The following SORCS3 variants were observed in gnomAD, a reference collection of about 807,000 sequenced individuals.
SORCS3 encodes the protein VPS10 domain-containing receptor SorCS3.
In SORCS3, 57 loss-of-function variants were observed where a neutral mutation model predicts 146.3. The observed-to-expected ratio is 0.39, with a 90% confidence interval of 0.31 to 0.49. SORCS3 has a LOEUF of 0.49. Ranked by LOEUF, SORCS3 falls within the 20% of genes least tolerant of loss-of-function variation. The pLI, the probability that SORCS3 is intolerant of heterozygous loss-of-function variation, is 0.92. For synonymous variants in SORCS3, 653 were observed against 618.5 expected (o/e 1.06, Z -0.83); for missense variants, 1,341 against 1,575.5 (o/e 0.85, Z 2.52).
At chr10:104,843,418 G>A (rs1347332948) in intron 2 of SORCS3, among the ~76,000 whole-genome samples, 1 of 152,174 alleles carries the variant, frequency 6.6e-6, no homozygotes, top group African/African-American at 2.4e-5. Flanking sequence ...TTTTACCACT[G>A]CGTTGGTATA....
At chr10:104,740,328 G>C (rs991600621) in intron 1 of SORCS3, among the ~76,000 whole-genome samples, 2 of 152,120 alleles carry the variant, frequency 1.3e-5, no homozygotes, top group Non-Finnish European at 2.9e-5. Flanking sequence ...TAAAATGAAG[G>C]CTTCTCAAAA....
chr10:105,018,685 A>G (rs1039039661), intron 4 of SORCS3, among the ~76,000 whole-genome samples: 6 of 152,226 alleles, frequency 3.9e-5, no homozygotes, highest in African/African-American at 1.4e-4. Context: ...TACAGGCTCA[A>G]CAAAATTGAA....
chr10:104,670,878 CT>C (rs35714791), intron 1 of SORCS3, among the ~76,000 whole-genome samples: 61,952 of 151,888 alleles, frequency 0.41, 14,154 homozygotes, highest in Middle Eastern at 0.65. Flanking sequence ...ATTGACAACT[CT>C]TTTCTGTCCT....
rs2056899741 is a variant in SORCS3 at position 105,251,720 on chromosome 10, G to T, written c.3106-1055G>T. 2.6e-5 allele frequency among the ~76,000 whole-genome samples: 4 copies of T among 152,286 alleles called. No individual in the cohort carries two copies. The South Asian group carries it at 8.3e-4, about 32-fold the overall frequency. ...AAGAACAAGCTTACCCTTCACGGGG[G>T]AGAACTCAGCATCCTGTTTTCTTTA... is the stretch of plus-strand genomic sequence containing the variant. On this transcript the variant is annotated intron_variant, in intron 22 of 26. Coordinates refer to ENST00000369701, the MANE Select transcript of SORCS3 (RefSeq NM_014978.3).
chr10:104,925,759 T>C (rs766944582), intron 3 of SORCS3, among the ~76,000 whole-genome samples: 3 of 152,238 alleles, frequency 2.0e-5, no homozygotes, highest in Non-Finnish European at 4.4e-5. Flanking sequence ...AATGAATTGC[T>C]GTGGTCCACA....
intron 1 of SORCS3, among the ~76,000 whole-genome samples, chr10:104,715,961 G>A (rs555385976): frequency 3.3e-5 from 5 of 152,166 alleles, no homozygotes; most frequent in Middle Eastern, 3.4e-3. Flanking sequence ...ATCTTCTCCC[G>A]TGCTGCTCTC....
intron 21 of SORCS3, among the ~76,000 whole-genome samples, chr10:105,246,674 T>A (rs1455285834): frequency 6.6e-6 from 1 of 152,234 alleles, no homozygotes; most frequent in South Asian, 2.1e-4. Flanking sequence ...TTAATTGTAT[T>A]GTAAATTTTA....
chr10:105,226,096 G>A (rs144095737), intron 20 of SORCS3, among the ~76,000 whole-genome samples: 319 of 151,034 alleles, frequency 2.1e-3, no homozygotes, highest in African/African-American at 7.3e-3. Context: ...GTCCTATATT[G>A]AATAGGAGTG....
chr10:104,904,917 G>A (rs2018889628), intron 2 of SORCS3, among the ~76,000 whole-genome samples: 1 of 151,918 alleles, frequency 6.6e-6, no homozygotes, highest in African/African-American at 2.4e-5. Flanking sequence ...CCCATGTCAT[G>A]TGGGTTCAGG....
intron 3 of SORCS3, among the ~76,000 whole-genome samples, chr10:104,942,653 T>C (rs1589559477): frequency 2.0e-5 from 3 of 152,332 alleles, no homozygotes; most frequent in Admixed American, 6.5e-5. Flanking sequence ...AAATCAAATG[T>C]AATTTGCCAC....
chr10:104,757,870 C>G lies in SORCS3; in HGVS notation c.628-84922C>G, dbSNP rs1022420101. Among the ~76,000 whole-genome samples, 12 of 10,314 alleles carry G rather than the reference C, an allele frequency of 1.2e-3. No individual in the cohort carries two copies. In the South Asian group the frequency reaches 0.025, roughly 22 times the overall value. The allele number at this position is 10,314 out of a possible 152,430, so 6.8% of individuals were successfully genotyped here. A position where few individuals can be genotyped will look rare whatever the true frequency, so the allele number is the denominator to read the frequency against. ...CCCACTGCCACCACCCCCCCCCCCA[C>G]ACCCGCTGCCTTGATGCTGATAGTG... On this transcript the variant is annotated intron_variant, in intron 1 of 26. Transcript: ENST00000369701.
chr10:104,835,838 C>T (rs1294448427), intron 1 of SORCS3, among the ~76,000 whole-genome samples: 1 of 152,230 alleles, frequency 6.6e-6, no homozygotes, highest in Non-Finnish European at 1.5e-5. Context: ...ACACTTATAA[C>T]TCATGTTTGC....
At chr10:104,795,322 G>A (rs992004158) in intron 1 of SORCS3, among the ~76,000 whole-genome samples, 12 of 152,070 alleles carry the variant, frequency 7.9e-5, no homozygotes, top group African/African-American at 2.9e-4. Flanking sequence ...CACTATGAAT[G>A]GCATTTACAT....
chr10:104,682,543 C>A, intron 1 of SORCS3, among the ~76,000 whole-genome samples: 1 of 152,204 alleles, frequency 6.6e-6, no homozygotes, highest in East Asian at 1.9e-4. Flanking sequence ...CTCTAACATT[C>A]TAATTCCAGG....
At chr10:105,049,220 GA>G (rs1381139943) in intron 5 of SORCS3, among the ~76,000 whole-genome samples, 2 of 152,058 alleles carry the variant, frequency 1.3e-5, no homozygotes, top group African/African-American at 4.8e-5. Flanking sequence ...GGGTTACAAA[GA>G]AGCATTACAT....
chr10:105,251,786 T>C (rs1238882068), intron 22 of SORCS3, among the ~76,000 whole-genome samples: 1 of 152,190 alleles, frequency 6.6e-6, no homozygotes, highest in Non-Finnish European at 1.5e-5. Flanking sequence ...TAAGTTTTTA[T>C]CACAAAGCAA....
intron 2 of SORCS3, among the ~76,000 whole-genome samples, chr10:104,881,036 T>A (rs759216072): frequency 2.0e-5 from 3 of 152,220 alleles, no homozygotes; most frequent in Non-Finnish European, 4.4e-5. Context: ...CTATGATTAT[T>A]TATTTGCTCC....
chr10:104,887,350 A>C (rs1457048385), intron 2 of SORCS3, among the ~76,000 whole-genome samples: 1 of 148,100 alleles, frequency 6.8e-6, no homozygotes, highest in African/African-American at 2.6e-5. Flanking sequence ...TGGCATGAGC[A>C]AAATCTTGGG....
intron 2 of SORCS3, among the ~76,000 whole-genome samples, chr10:104,912,656 C>T (rs1239714008): frequency 2.0e-5 from 3 of 152,124 alleles, no homozygotes; most frequent in Admixed American, 2.0e-4. Context: ...CAAATAAAGA[C>T]AAATTAAAAC....
Sources: allele counts gnomAD v4.1 joint callset (sites outside exome capture counted in the v4.1 genomes callset), GRCh38; gene constraint gnomAD v4.1.1; transcripts MANE v1.5; gene names NCBI Gene and HGNC (gene_info 2026-07-23, HGNC 2026-07-21).